The following PCSK5 variants were observed in gnomAD, a reference collection of about 807,000 sequenced individuals.
PCSK5 encodes proprotein convertase subtilisin/kexin type 5.
PCSK5 carries 129 observed loss-of-function variants against 233.2 expected under a neutral mutation model. The observed-to-expected ratio is 0.55, with a 90% CI of 0.48 to 0.64. PCSK5 has a LOEUF of 0.64. PCSK5 is among the 30% of genes least tolerant of loss of function. The pLI is 0.00. For synonymous variants in PCSK5, 825 were observed against 879.2 expected (o/e 0.94, Z 1.09); for missense variants, 2,076 against 2,430.1 (o/e 0.85, Z 3.06).
In PCSK5 at chr9:76,298,650, T is replaced by TAA. The variant is rs11380911; in HGVS notation, c.3523+1792_3523+1793dup. Among the ~76,000 whole-genome samples the TAA allele has an allele frequency of 3.6e-4, 54 of 151,684 alleles. 1 individual carries two copies. Among genetic ancestry groups the TAA allele is most frequent in the East Asian group, 1.9e-3 (10 of 5,144 alleles). ...CAACCTTCTCCTGACTTCTTTTGCT[T>TAA]AAAAAAAACAGGATCGAGAGTGTAA... On this transcript the variant is annotated intron_variant, in intron 27 of 37. Transcript: ENST00000674117.
At chr9:76,093,408 C>G (rs1254740336) in intron 7 of PCSK5, among the ~76,000 whole-genome samples, 2 of 152,010 alleles carry the variant, frequency 1.3e-5, no homozygotes, top group Non-Finnish European at 2.9e-5. Flanking sequence ...ACATTGTTTC[C>G]TAAACTGAGA....
At chr9:75,905,289 A>G (rs755638819) in intron 1 of PCSK5, among the ~76,000 whole-genome samples, 3 of 152,184 alleles carry the variant, frequency 2.0e-5, no homozygotes, top group Non-Finnish European at 4.4e-5. Flanking sequence ...TGGGAGAATC[A>G]CTTGAGGCTA....
chr9:76,360,141 C>CA lies in PCSK5; in HGVS notation c.*1220dup, dbSNP rs1830405983. ...GATTTCCTTGTCAAAATAGACCTTA[C>CA]AGGCAGTACTAGAAATGGAGCACCA... On this transcript the variant is annotated 3_prime_UTR_variant, in exon 38 of 38. Transcript: ENST00000674117. The CA allele has an allele frequency of 6.6e-6, 1 of 152,202 alleles. No individual in the cohort carries two copies. Among genetic ancestry groups the CA allele is most frequent in the Admixed American group, 6.6e-5 (1 of 15,264 alleles). 9.4% of individuals were successfully genotyped at this position (152,202 alleles called of 1,614,324 possible).
chr9:76,111,242 G>A (rs1045802461), intron 9 of PCSK5, among the ~76,000 whole-genome samples: 2 of 152,140 alleles, frequency 1.3e-5, no homozygotes, highest in African/African-American at 4.8e-5. Flanking sequence ...TAATATGCTC[G>A]CAGATACTTG....
intron 24 of PCSK5, among the ~76,000 whole-genome samples, chr9:76,244,562 GGT>G (rs144734625): frequency 0.41 from 56,557 of 138,820 alleles, 11,192 homozygotes; most frequent in South Asian, 0.47. Context: ...AAAATCCTGG[GGT>G]TTTTTTTTTT....
At chr9:76,218,084 A>G (rs889664932) in intron 20 of PCSK5, among the ~76,000 whole-genome samples, 2 of 152,022 alleles carry the variant, frequency 1.3e-5, no homozygotes, top group African/African-American at 4.8e-5. Flanking sequence ...TAGGGGGACC[A>G]AGGATCCCAA....
At chr9:76,076,984 T>C (rs1830665338) in intron 7 of PCSK5, among the ~76,000 whole-genome samples, 1 of 152,202 alleles carries the variant, frequency 6.6e-6, no homozygotes, top group African/African-American at 2.4e-5. Context: ...GGACTTAAAA[T>C]AAATAACATT....
At chr9:76,215,594 C>T (rs868580142) in intron 20 of PCSK5, among the ~76,000 whole-genome samples, 47 of 152,058 alleles carry the variant, frequency 3.1e-4, no homozygotes, top group Non-Finnish European at 4.6e-4. Flanking sequence ...CCAAGGGAGA[C>T]GCTGAGGGCC....
intron 20 of PCSK5, among the ~76,000 whole-genome samples, chr9:76,217,404 A>T (rs1286742824): frequency 1.3e-5 from 2 of 152,210 alleles, no homozygotes; most frequent in Non-Finnish European, 2.9e-5. Flanking sequence ...GCTGAAAATT[A>T]TTGAGTGCTT....
At position 76,133,443 on chromosome 9, in the gene PCSK5, G is replaced by T. The variant is rs995943913; in HGVS notation, c.1209-666G>T. On this transcript the variant is annotated intron_variant, in intron 9 of 37. Transcript: ENST00000674117. ...TCAGTAGTCTCTTTTGTGTTCTTCA[G>T]TGCTAGTAGCCATAAGAACTAGGTG... Among the ~76,000 whole-genome samples, 42 of 152,096 alleles carry T rather than the reference G, an allele frequency of 2.8e-4. 1 individual carries two copies. Among genetic ancestry groups the T allele is most frequent in the African/African-American group, 7.9e-4 (33 of 41,520 alleles).
intron 20 of PCSK5, among the ~76,000 whole-genome samples, chr9:76,202,310 TCTC>T (rs1410354983): frequency 6.6e-6 from 1 of 152,160 alleles, no homozygotes; most frequent in Non-Finnish European, 1.5e-5. Context: ...TATTGCAGTA[TCTC>T]CTCATTAGCC....
chr9:76,204,615 T>C (rs1325684428), intron 20 of PCSK5, among the ~76,000 whole-genome samples: 3 of 152,038 alleles, frequency 2.0e-5, no homozygotes, highest in Non-Finnish European at 4.4e-5. Flanking sequence ...TCCACAATTG[T>C]GTTTGTTCTT....
chr9:75,905,200 T>C (rs1423333443), intron 1 of PCSK5, among the ~76,000 whole-genome samples: 1 of 151,622 alleles, frequency 6.6e-6, no homozygotes, highest in Non-Finnish European at 1.5e-5. Flanking sequence ...TTTTGGGAGG[T>C]GATGAAATGT....
At chr9:75,902,706 G>C (rs1183629259) in intron 1 of PCSK5, among the ~76,000 whole-genome samples, 1 of 152,180 alleles carries the variant, frequency 6.6e-6, no homozygotes, top group African/African-American at 2.4e-5. Context: ...CAAGCAATTT[G>C]TGCTGATATG....
intron 24 of PCSK5, among the ~76,000 whole-genome samples, chr9:76,279,199 G>A (rs1827788547): frequency 6.7e-6 from 1 of 150,326 alleles, no homozygotes; most frequent in South Asian, 2.1e-4. Context: ...TACTGAGAAT[G>A]ATGATTTCCA....
chr9:75,942,780 G>A (rs1181625066), intron 2 of PCSK5, among the ~76,000 whole-genome samples: 1 of 151,892 alleles, frequency 6.6e-6, no homozygotes, highest in Non-Finnish European at 1.5e-5. Context: ...ATGAGGGGAG[G>A]CAGGTTATGG....
At position 76,069,454 on chromosome 9, in the gene PCSK5, A is replaced by AT. The variant is rs1262616358; in HGVS notation, c.721+1414dup. Among the ~76,000 whole-genome samples, 56 of 20,154 alleles carry AT rather than the reference A, an allele frequency of 2.8e-3. 1 individual carries two copies. Among genetic ancestry groups the AT allele is most frequent in the Admixed American group, 0.018 (33 of 1,808 alleles). The allele number at this position is 20,154 out of a possible 152,430, so 13.2% of individuals were successfully genotyped here. A position where few individuals can be genotyped will look rare whatever the true frequency, so the allele number is the denominator to read the frequency against. On this transcript the variant is annotated intron_variant, in intron 6 of 37. Coordinates refer to ENST00000674117, the MANE Select transcript of PCSK5 (RefSeq NM_001372043.1). ...CCAATGACCTAGCTTACAGAACCTT[A>AT]TTTAAAAAAAAAAAAAAGGATATAT...
chr9:76,269,378 G>A (rs558223319), intron 24 of PCSK5, among the ~76,000 whole-genome samples: 3 of 152,228 alleles, frequency 2.0e-5, no homozygotes, highest in South Asian at 2.1e-4. Flanking sequence ...AGATGATCAC[G>A]ATATTCCTCG....
intron 9 of PCSK5, among the ~76,000 whole-genome samples, chr9:76,130,039 T>C (rs544926399): frequency 4.2e-4 from 64 of 152,282 alleles, no homozygotes; most frequent in African/African-American, 1.5e-3. Flanking sequence ...AGATGACAAG[T>C]TCATAACAAT....
Sources: gnomAD v4.1 joint callset for allele counts (sites outside exome capture counted in the v4.1 genomes callset) on GRCh38, gnomAD v4.1.1 for gene constraint, MANE v1.5 for transcripts, NCBI Gene and HGNC (gene_info 2026-07-23, HGNC 2026-07-21) for gene names.